The following ATP9A variants were observed in gnomAD, a reference collection of about 807,000 sequenced individuals.
The protein encoded by ATP9A is ATPase phospholipid transporting 9A, also known as probable phospholipid-transporting ATPase IIA.
ATP9A carries 52 observed loss-of-function variants against 144.1 expected under a neutral mutation model. The observed-to-expected ratio is 0.36, with a 90% CI of 0.29 to 0.45. ATP9A has a LOEUF of 0.45. Among genes scored for constraint, ATP9A ranks in the 20% least tolerant of loss-of-function variants. The pLI, the probability that ATP9A is intolerant of heterozygous loss-of-function variation, is 1.00. For missense variants in ATP9A, 947 were observed against 1,392.7 expected (o/e 0.68, Z 5.09); for synonymous variants, 582 against 557.4 (o/e 1.04, Z -0.62).
At chr20:51,709,912 G>A (rs1035409926) in intron 4 of ATP9A, among the ~76,000 whole-genome samples, 2 of 152,110 alleles carry the variant, frequency 1.3e-5, no homozygotes, top group African/African-American at 2.4e-5. Flanking sequence ...GGATGTAGCA[G>A]GTAGGTAAAT....
intron 1 of ATP9A, among the ~76,000 whole-genome samples, chr20:51,760,971 T>G (rs1429584945): frequency 4.6e-5 from 7 of 152,010 alleles, no homozygotes. Flanking sequence ...GAGGTTGCAG[T>G]GAGCCGAGAC....
chr20:51,671,291 G>T lies in ATP9A; in HGVS notation c.1038-34C>A, dbSNP rs370680645. 23 of 1,604,338 alleles carry T rather than the reference G, an allele frequency of 1.4e-5. No individual in the cohort carries two copies. The African/African-American group carries it at 2.8e-4, about 20-fold the overall frequency. ...AAAACCAGAGCAAACAGGCTAACAGGACAGATGTAAGGCTCCTTGTATCTT... is the reference window on the plus strand; with the variant it reads ...AAAACCAGAGCAAACAGGCTAACAGTACAGATGTAAGGCTCCTTGTATCTT... On this transcript the variant is annotated intron_variant, in intron 11 of 27. Transcript: ENST00000338821.
chr20:51,716,140 A>G (rs1264572833), intron 3 of ATP9A, among the ~76,000 whole-genome samples: 1 of 152,136 alleles, frequency 6.6e-6, no homozygotes, highest in Non-Finnish European at 1.5e-5. Flanking sequence ...TCAAAACTCA[A>G]TGAACTGAAA....
At chr20:51,692,441 C>G (rs1411743057) in intron 7 of ATP9A, among the ~76,000 whole-genome samples, 2 of 152,134 alleles carry the variant, frequency 1.3e-5, no homozygotes, top group Admixed American at 6.5e-5. Context: ...TAACTACTGT[C>G]TAGGAGCCCC....
intron 1 of ATP9A, among the ~76,000 whole-genome samples, chr20:51,744,932 C>G (rs2077801189): frequency 6.6e-6 from 1 of 152,030 alleles, no homozygotes. Context: ...GAGTTCGAGA[C>G]CAGCCTGGCC....
At chr20:51,663,768 T>C (rs1187776593) in intron 13 of ATP9A, among the ~76,000 whole-genome samples, 1 of 131,728 alleles carries the variant, frequency 7.6e-6, no homozygotes, top group African/African-American at 2.9e-5. Context: ...CACTCCAGCC[T>C]GGGAAACAGA....
At chr20:51,702,631 T>G (rs2077598892) in intron 4 of ATP9A, among the ~76,000 whole-genome samples, 1 of 151,960 alleles carries the variant, frequency 6.6e-6, no homozygotes, top group Non-Finnish European at 1.5e-5. Flanking sequence ...AGACCAAAGT[T>G]AGAAGTGAGG....
At position 51,649,462 on chromosome 20, in the gene ATP9A, G is replaced by A. The variant is rs190975566; in HGVS notation, c.1506+7476C>T. ...AAGAGGGGCTCATAGCCCAGGGCCT[G>A]GCACAGAGCAGGTATTCAATAGGTG... is the stretch of plus-strand genomic sequence containing the variant. On this transcript the variant is annotated intron_variant, in intron 14 of 27. Transcript: ENST00000338821. Among the ~76,000 whole-genome samples the A allele has an allele frequency of 2.5e-3, 382 of 152,288 alleles. 4 individuals carry two copies. Among genetic ancestry groups the A allele is most frequent in the African/African-American group, 8.5e-3 (353 of 41,562 alleles).
At chr20:51,656,342 A>T (rs2077386759) in intron 14 of ATP9A, among the ~76,000 whole-genome samples, 1 of 152,220 alleles carries the variant, frequency 6.6e-6, no homozygotes, top group African/African-American at 2.4e-5. Flanking sequence ...ACCTGAGGTC[A>T]GGAGTTCAAG....
intron 1 of ATP9A, among the ~76,000 whole-genome samples, chr20:51,744,781 C>G (rs1358526330): frequency 6.6e-6 from 1 of 152,126 alleles, no homozygotes. Context: ...TTACAGGGTC[C>G]AGGAAAGAAC....
intron 9 of ATP9A, among the ~76,000 whole-genome samples, chr20:51,685,275 G>A (rs1387218884): frequency 2.6e-5 from 4 of 151,926 alleles, no homozygotes; most frequent in Admixed American, 2.6e-4. Flanking sequence ...CAGCCATCCT[G>A]TTTTTATGAA....
Position 51,642,138 on chromosome 20 carries a change from G to GT in ATP9A, c.1507-2635dup, listed in dbSNP as rs1179774596. Among the ~76,000 whole-genome samples, 1,022 of 150,820 alleles carry GT rather than the reference G, an allele frequency of 6.8e-3. 8 individuals are homozygous for GT. Among genetic ancestry groups the GT allele is most frequent in the African/African-American group, 0.022 (923 of 41,162 alleles). On this transcript the variant is annotated intron_variant, in intron 14 of 27. Transcript: ENST00000338821. ...TGCTGTACCAAATTACTGTGCATCT[G>GT]TTTTTTTTTGTTTGTTTTGTTTTGT...
intron 19 of ATP9A, among the ~76,000 whole-genome samples, chr20:51,620,965 T>A (rs1342477222): frequency 2.0e-5 from 3 of 151,864 alleles, no homozygotes; most frequent in Non-Finnish European, 4.4e-5. Context: ...CTGGCCAAAA[T>A]GGTGAAACCC....
At chr20:51,747,008 A>G (rs1254566678) in intron 1 of ATP9A, among the ~76,000 whole-genome samples, 1 of 152,246 alleles carries the variant, frequency 6.6e-6, no homozygotes, top group Non-Finnish European at 1.5e-5. Flanking sequence ...TCCGTCTCAA[A>G]AAAAAGAGAA....
At chr20:51,734,896 C>A (rs1294616865) in intron 1 of ATP9A, 3 of 216,192 alleles carry the variant, frequency 1.4e-5, no homozygotes, top group Admixed American at 1.2e-4. Flanking sequence ...CATCGACTTG[C>A]CTACATTGCC....
intron 14 of ATP9A, among the ~76,000 whole-genome samples, chr20:51,646,275 G>A (rs2077342012): frequency 6.6e-6 from 1 of 152,116 alleles, no homozygotes; most frequent in Non-Finnish European, 1.5e-5. Flanking sequence ...CTGTGCTTGG[G>A]AAATAAGCCA....
intron 14 of ATP9A, among the ~76,000 whole-genome samples, chr20:51,639,756 C>T (rs1031262949): frequency 3.3e-5 from 5 of 152,144 alleles, no homozygotes; most frequent in African/African-American, 1.2e-4. Flanking sequence ...ACAGGCTGCA[C>T]ACCAGAGGCA....
chr20:51,759,168 G>A (rs1465199481), intron 1 of ATP9A, among the ~76,000 whole-genome samples: 1 of 152,226 alleles, frequency 6.6e-6, no homozygotes, highest in Admixed American at 6.5e-5. Context: ...ACAGCCCCAT[G>A]GGCCGCTGCC....
At position 51,743,576 on chromosome 20, in the gene ATP9A, T is replaced by C. The variant is rs568665825; in HGVS notation, c.69-13598A>G. On this transcript the variant is annotated intron_variant, in intron 1 of 27. Transcript: ENST00000338821. ...CACCACGCCAGGCTAATTTTTGTAT[T>C]TTTAGTAGAGACGGGGTTTCACCAT... 8.0e-5 allele frequency among the ~76,000 whole-genome samples: 12 copies of C among 150,346 alleles called. 1 individual carries two copies. Among genetic ancestry groups the C allele is most frequent in the Non-Finnish European group, 1.8e-4 (12 of 67,494 alleles).
Sources: allele counts gnomAD v4.1 joint callset (sites outside exome capture counted in the v4.1 genomes callset), GRCh38; gene constraint gnomAD v4.1.1; transcripts MANE v1.5; gene names NCBI Gene and HGNC (gene_info 2026-07-23, HGNC 2026-07-21).